THSD4: variants seen among roughly 807,000 people sequenced by gnomAD.
The protein encoded by THSD4 is thrombospondin type 1 domain containing 4, also known as thrombospondin type-1 domain-containing protein 4.
In THSD4, 69 loss-of-function variants were observed where a neutral mutation model predicts 119.0. The ratio of observed to expected loss-of-function variants is 0.58; its 90% CI spans 0.48 to 0.71. The LOEUF (loss-of-function observed/expected upper bound fraction) is 0.71, where lower values mean the gene tolerates loss of function less well. THSD4 is among the 30% of genes least tolerant of loss of function. The pLI is 0.00. For synonymous variants in THSD4, 524 were observed against 540.4 expected, an observed-to-expected ratio of 0.97 and a Z score of 0.42; for missense variants, 1,393 against 1,391.1, an observed-to-expected ratio of 1.00 and a Z score of -0.02.
chr15:71,764,420 A>G (rs552484662), intron 15 of THSD4, among the ~76,000 whole-genome samples: 61 of 152,370 alleles, frequency 4.0e-4, no homozygotes, highest in African/African-American at 1.4e-3. Flanking sequence ...TCACTACCCC[A>G]TGGTGCAGAT....
intron 6 of THSD4, among the ~76,000 whole-genome samples, chr15:71,358,979 C>T (rs2045858405): frequency 6.6e-6 from 1 of 152,194 alleles, no homozygotes; most frequent in African/African-American, 2.4e-5. Context: ...ACCCTGTCAG[C>T]TATTTAGGTA....
intron 8 of THSD4, among the ~76,000 whole-genome samples, chr15:71,664,183 C>T (rs974973046): frequency 9.2e-5 from 14 of 152,048 alleles, no homozygotes; most frequent in African/African-American, 3.1e-4. Flanking sequence ...GGGGTTTCAC[C>T]GTGTTAGCCA....
rs748438115 is a variant in THSD4, at chr15:71,388,661, A to AGTGTGTGT, written c.1016-23025_1016-23024insTGTGTGTG. The stretch of plus-strand genomic sequence containing the variant: ...CGAGTATTGATTTGATTCTTTGGAG[A>AGTGTGTGT]GAGTGTGTGTGTGTGTGTGTGTGTG... On this transcript the variant is annotated intron_variant, in intron 6 of 17. Transcript: ENST00000261862. Among the ~76,000 whole-genome samples the AGTGTGTGT allele has an allele frequency of 3.0e-3, 430 of 142,082 alleles. 2 individuals are homozygous for AGTGTGTGT. The highest frequency in any genetic ancestry group is 0.01 in the African/African-American group (406 of 39,902). The allele number at this position is 142,082 out of a possible 152,430, so 93.2% of individuals were successfully genotyped here.
chr15:71,208,256 C>G (rs991233486), intron 3 of THSD4, among the ~76,000 whole-genome samples: 1 of 152,172 alleles, frequency 6.6e-6, no homozygotes, highest in Non-Finnish European at 1.5e-5. Flanking sequence ...ATATATACAC[C>G]TTCCTATGGA....
At chr15:71,219,886 G>A (rs904667200) in intron 4 of THSD4, among the ~76,000 whole-genome samples, 3 of 152,168 alleles carry the variant, frequency 2.0e-5, no homozygotes, top group Non-Finnish European at 4.4e-5. Flanking sequence ...CACTGAAATG[G>A]GTATTCTGAA....
chr15:71,216,467 A>T (rs1417660219), intron 4 of THSD4, among the ~76,000 whole-genome samples: 1 of 152,214 alleles, frequency 6.6e-6, no homozygotes. Context: ...AGGAGATGCG[A>T]CACATCCAGC....
intron 7 of THSD4, among the ~76,000 whole-genome samples, chr15:71,551,533 G>A (rs893376565): frequency 1.4e-4 from 21 of 152,154 alleles, no homozygotes; most frequent in African/African-American, 5.1e-4. Context: ...CAGTGACTTA[G>A]CATACATTGG....
intron 5 of THSD4, among the ~76,000 whole-genome samples, chr15:71,250,521 G>T (rs1487063074): frequency 6.6e-6 from 1 of 152,052 alleles, no homozygotes; most frequent in Non-Finnish European, 1.5e-5. Flanking sequence ...TTCTTGCTAT[G>T]TTGCCCACGG....
At chr15:71,273,526 A>G (rs1397766928) in intron 6 of THSD4, among the ~76,000 whole-genome samples, 1 of 152,210 alleles carries the variant, frequency 6.6e-6, no homozygotes, top group Non-Finnish European at 1.5e-5. Context: ...AAAGTTGCTA[A>G]AAGAGTAGAT....
At chr15:71,580,032 A>G (rs1444210657) in intron 7 of THSD4, among the ~76,000 whole-genome samples, 1 of 152,142 alleles carries the variant, frequency 6.6e-6, no homozygotes, top group African/African-American at 2.4e-5. Flanking sequence ...ATCACATAAT[A>G]ATATCCTGCT....
intron 6 of THSD4, among the ~76,000 whole-genome samples, chr15:71,311,585 C>T (rs1238483247): frequency 6.6e-6 from 1 of 152,196 alleles, no homozygotes; most frequent in African/African-American, 2.4e-5. Flanking sequence ...TAACTGTGCA[C>T]TGATCCTTGC....
chr15:71,442,610 G>A (rs796455942), intron 7 of THSD4, among the ~76,000 whole-genome samples: 4,661 of 57,198 alleles, frequency 0.081, 793 homozygotes, highest in Non-Finnish European at 0.12. Context: ...ATGTGTGTGT[G>A]TGTGTGTGTA....
At chr15:71,317,292 C>T (rs148742358) in intron 6 of THSD4, among the ~76,000 whole-genome samples, 45 of 152,266 alleles carry the variant, frequency 3.0e-4, no homozygotes, top group African/African-American at 1.1e-3. Context: ...GTGTATTAGT[C>T]CATTCTCACC....
chr15:71,101,340 C>G (rs995243157), intron 1 of THSD4, among the ~76,000 whole-genome samples: 1 of 152,268 alleles, frequency 6.6e-6, no homozygotes, highest in South Asian at 2.1e-4. Flanking sequence ...ATTAGATCTT[C>G]TCACCATATA....
rs1057485097 is a variant in THSD4, at chr15:71,778,131, A to G, written c.*757A>G. The G allele has an allele frequency of 1.3e-5, 2 of 152,384 alleles. No individual in the cohort carries two copies. The highest frequency in any genetic ancestry group is 4.8e-5 in the African/African-American group (2 of 41,574). 9.4% of individuals were successfully genotyped at this position (152,384 alleles called of 1,614,324 possible). Reference sequence around the variant, plus strand: ...GTCCCCGCCCCAGTCATCTACCAGTATCCAGCCTGGGGCCTGTACTTAGAT... The same window carrying G: ...GTCCCCGCCCCAGTCATCTACCAGTGTCCAGCCTGGGGCCTGTACTTAGAT... On this transcript the variant is annotated 3_prime_UTR_variant, in exon 18 of 18. Transcript: ENST00000261862.
intron 6 of THSD4, among the ~76,000 whole-genome samples, chr15:71,361,774 T>C (rs552069704): frequency 6.6e-6 from 1 of 152,166 alleles, no homozygotes; most frequent in African/African-American, 2.4e-5. Context: ...TCAAACAAAT[T>C]ATATTTCATC....
intron 6 of THSD4, among the ~76,000 whole-genome samples, chr15:71,330,932 G>A (rs74337039): frequency 1.0e-3 from 157 of 152,306 alleles, no homozygotes; most frequent in African/African-American, 3.5e-3. Flanking sequence ...ACACTAACCC[G>A]TTTACCGGGT....
At chr15:71,257,212 C>T (rs374939395) in intron 6 of THSD4, among the ~76,000 whole-genome samples, 192 of 152,238 alleles carry the variant, frequency 1.3e-3, no homozygotes, top group South Asian at 2.3e-3. Flanking sequence ...ACAAGATCCC[C>T]GTCATTTCCA....
chr15:71,219,187 A>G (rs959099955), intron 4 of THSD4, among the ~76,000 whole-genome samples: 2 of 152,140 alleles, frequency 1.3e-5, no homozygotes, highest in African/African-American at 4.8e-5. Context: ...ACCTTGACTG[A>G]CTGTTAGAAT....
Sources: gnomAD v4.1 joint callset for allele counts (sites outside exome capture counted in the v4.1 genomes callset) on GRCh38, gnomAD v4.1.1 for gene constraint, MANE v1.5 for transcripts, NCBI Gene and HGNC (gene_info 2026-07-23, HGNC 2026-07-21) for gene names.